Variants in TNFAIP8 observed in about 807,000 individuals in gnomAD.
The protein encoded by TNFAIP8 is tumor necrosis factor alpha-induced protein 8.
TNFAIP8 carries 7 observed loss-of-function variants against 13.3 expected under a neutral mutation model. That is an observed-to-expected ratio of 0.52 (90% CI 0.30 to 0.99). The LOEUF (loss-of-function observed/expected upper bound fraction) is 0.99. TNFAIP8 is among the 50% of genes least tolerant of loss of function. The pLI is 0.07. For missense variants in TNFAIP8, 258 were observed against 236.9 expected (o/e 1.09, Z -0.58); for synonymous variants, 94 against 87.6 (o/e 1.07, Z -0.41).
chr5:119,363,557 C>T (rs1751711444), intron 1 of TNFAIP8, among the ~76,000 whole-genome samples: 1 of 152,174 alleles, frequency 6.6e-6, no homozygotes, highest in South Asian at 2.1e-4. Context: ...ACAAAATATG[C>T]AGTGGTACAT....
rs1753084184 is a variant in TNFAIP8 at position 119,396,854 on chromosome 5, TGTG to T, written c.*3478_*3480del. ...CTAAAAATACACAAGATTAGCCAGATGTGGTGGCAGGCACCTGTAATCCCAGCT... is the reference window on the plus strand; with the variant it reads ...CTAAAAATACACAAGATTAGCCAGATGTGGCAGGCACCTGTAATCCCAGCT... On this transcript the variant is annotated 3_prime_UTR_variant, in exon 2 of 2. Coordinates refer to ENST00000504771, the MANE Select transcript of TNFAIP8 (RefSeq NM_014350.4). 1 of 151,652 alleles carries T rather than the reference TGTG, an allele frequency of 6.6e-6. No individual in the cohort carries two copies. Among genetic ancestry groups the T allele is most frequent in the Non-Finnish European group, 1.5e-5 (1 of 67,918 alleles). The allele number at this position is 151,652 out of a possible 1,614,324, so 9.4% of individuals were successfully genotyped here.
intron 1 of TNFAIP8, among the ~76,000 whole-genome samples, chr5:119,327,596 C>T (rs1428925719): frequency 1.3e-5 from 2 of 152,036 alleles, no homozygotes; most frequent in Admixed American, 1.3e-4. Flanking sequence ...GTAGCTGGGA[C>T]CACAGGTGCC....
At chr5:119,275,062 G>A (rs1581559825) in intron 1 of TNFAIP8, among the ~76,000 whole-genome samples, 1 of 149,652 alleles carries the variant, frequency 6.7e-6, no homozygotes, top group East Asian at 1.9e-4. Context: ...AGTACAGAGT[G>A]GCTTTAAAGT....
chr5:119,297,152 T>C (rs1749204174), intron 1 of TNFAIP8, among the ~76,000 whole-genome samples: 1 of 152,230 alleles, frequency 6.6e-6, no homozygotes, highest in Non-Finnish European at 1.5e-5. Flanking sequence ...TGCTAGCTTT[T>C]GAATGTGTTT....
chr5:119,364,746 C>A (rs1751767236), intron 1 of TNFAIP8, among the ~76,000 whole-genome samples: 1 of 151,506 alleles, frequency 6.6e-6, no homozygotes, highest in Admixed American at 6.6e-5. Flanking sequence ...ATAACAGTAT[C>A]ACACAGCTCT....
chr5:119,330,363 C>A (rs1750339080), intron 1 of TNFAIP8, among the ~76,000 whole-genome samples: 2 of 152,136 alleles, frequency 1.3e-5, no homozygotes, highest in African/African-American at 4.8e-5. Flanking sequence ...TATGCAGACA[C>A]AAATGTCATC....
intron 1 of TNFAIP8, among the ~76,000 whole-genome samples, chr5:119,378,478 A>G (rs974529319): frequency 1.3e-5 from 2 of 152,200 alleles, no homozygotes; most frequent in Non-Finnish European, 2.9e-5. Context: ...CAACATTTGG[A>G]TACAGTTATT....
upstream of TNFAIP8, among the ~76,000 whole-genome samples, chr5:119,351,024 GTGTGTGTGTGT>G (rs1259136864): frequency 0.012 from 1,885 of 151,208 alleles, 48 homozygotes; most frequent in African/African-American, 0.044. Context: ...GTGTGTGTGT[GTGTGTGTGTGT>G]AGAGAGAGAG....
chr5:119,291,077 C>G (rs973903031), intron 1 of TNFAIP8, among the ~76,000 whole-genome samples: 1 of 152,194 alleles, frequency 6.6e-6, no homozygotes, highest in Non-Finnish European at 1.5e-5. Context: ...GTGCCCTTCT[C>G]GTTTGTTTCC....
At chr5:119,379,660 A>T (rs1169673020) in intron 1 of TNFAIP8, among the ~76,000 whole-genome samples, 1 of 151,954 alleles carries the variant, frequency 6.6e-6, no homozygotes, top group Non-Finnish European at 1.5e-5. Context: ...GCGTGATCTG[A>T]GTTCACTGCA....
At chr5:119,331,069 C>T (rs2112706220) in intron 1 of TNFAIP8, among the ~76,000 whole-genome samples, 1 of 152,238 alleles carries the variant, frequency 6.6e-6, no homozygotes, top group South Asian at 2.1e-4. Flanking sequence ...GGCTGGAAGT[C>T]CTGGCTGCCT....
At chr5:119,360,957 G>T (rs896769006) in intron 1 of TNFAIP8, among the ~76,000 whole-genome samples, 1 of 152,146 alleles carries the variant, frequency 6.6e-6, no homozygotes, top group African/African-American at 2.4e-5. Context: ...TGAGAGGCAG[G>T]TAAACAGTGA....
At chr5:119,281,306 A>ACACACACACACACTCTCTCTCT in intron 1 of TNFAIP8, among the ~76,000 whole-genome samples, 10 of 114,132 alleles carry the variant, frequency 8.8e-5, no homozygotes, top group African/African-American at 2.1e-4. Context: ...ACACACACAC[A>ACACACACACACACTCTCTCTCT]CTCTCTCTCT....
chr5:119,300,143 C>T lies in TNFAIP8; in HGVS notation c.1+31236C>T, dbSNP rs187701420. Among the ~76,000 whole-genome samples the T allele has an allele frequency of 3.6e-3, 554 of 152,340 alleles. 1 individual carries two copies. Among genetic ancestry groups the T allele is most frequent in the African/African-American group, 0.012 (514 of 41,574 alleles). On this transcript the variant is annotated intron_variant, in intron 1 of 1. Transcript: ENST00000274456. ...GTCCTGTGCCCACTATCTGGCACTCCCTAATGAGATGAACCTGGTACCTCA... is the reference window on the plus strand; with the variant it reads ...GTCCTGTGCCCACTATCTGGCACTCTCTAATGAGATGAACCTGGTACCTCA...
At chr5:119,310,887 C>T (rs1030797735) in intron 1 of TNFAIP8, among the ~76,000 whole-genome samples, 16 of 152,076 alleles carry the variant, frequency 1.1e-4, no homozygotes, top group Non-Finnish European at 2.2e-4. Flanking sequence ...CCCTTCTCTC[C>T]CCTGTCTGGT....
chr5:119,351,201 T>A (rs4895368), upstream of TNFAIP8, among the ~76,000 whole-genome samples: 4,224 of 152,166 alleles, frequency 0.028, 72 homozygotes, highest in Non-Finnish European at 0.045. Flanking sequence ...CTTTTAAAAA[T>A]TTTTTTGTAG....
chr5:119,295,127 C>T (rs1749127461), intron 1 of TNFAIP8, among the ~76,000 whole-genome samples: 1 of 151,564 alleles, frequency 6.6e-6, no homozygotes, highest in Non-Finnish European at 1.5e-5. Context: ...GTGCCTATGT[C>T]CTCAATGGTA....
At chr5:119,322,661 C>T (rs1750096752) in intron 1 of TNFAIP8, among the ~76,000 whole-genome samples, 1 of 152,160 alleles carries the variant, frequency 6.6e-6, no homozygotes, top group Non-Finnish European at 1.5e-5. Context: ...TTTCTCTGTG[C>T]CCCTCCTTGG....
intron 1 of TNFAIP8, among the ~76,000 whole-genome samples, chr5:119,275,477 G>C (rs1006477811): frequency 6.6e-6 from 1 of 152,148 alleles, no homozygotes; most frequent in Non-Finnish European, 1.5e-5. Context: ...GCCCAACTCA[G>C]GACTCGGAGT....
Sources: gnomAD v4.1 joint callset for allele counts (sites outside exome capture counted in the v4.1 genomes callset) on GRCh38, gnomAD v4.1.1 for gene constraint, MANE v1.5 for transcripts, NCBI Gene and HGNC (gene_info 2026-07-23, HGNC 2026-07-21) for gene names.